AHCYL2: variants seen among roughly 807,000 people sequenced by gnomAD.
The protein encoded by AHCYL2 is adenosylhomocysteinase like 2.
A neutral mutation model predicts 81.4 loss-of-function variants in AHCYL2; 28 were observed. The observed-to-expected ratio is 0.34, with a 90% confidence interval of 0.25 to 0.47. AHCYL2 has a LOEUF of 0.47. AHCYL2 is among the 20% of genes least tolerant of loss of function. The pLI is 1.00. For synonymous variants in AHCYL2, 272 were observed against 290.2 expected (o/e 0.94, Z 0.64); for missense variants, 551 against 785.1 (o/e 0.70, Z 3.56).
intron 1 of AHCYL2, among the ~76,000 whole-genome samples, chr7:129,320,004 T>G (rs1797959329): frequency 6.6e-6 from 1 of 152,190 alleles, no homozygotes; most frequent in Non-Finnish European, 1.5e-5. Context: ...GTTTTTAAAT[T>G]GGTTGTATTG....
At chr7:129,299,376 T>C (rs1188169126) in intron 1 of AHCYL2, among the ~76,000 whole-genome samples, 8 of 23,006 alleles carry the variant, frequency 3.5e-4, no homozygotes, top group Non-Finnish European at 5.8e-4. Flanking sequence ...CTTGTTTTTT[T>C]TTTTTTTTTT....
intron 4 of AHCYL2, among the ~76,000 whole-genome samples, chr7:129,396,741 A>G (rs1795760821): frequency 6.6e-6 from 1 of 151,574 alleles, no homozygotes; most frequent in Non-Finnish European, 1.5e-5. Context: ...TTTTTTGGAG[A>G]CAGGGTCTCA....
At chr7:129,241,503 A>T (rs564374174) in intron 1 of AHCYL2, among the ~76,000 whole-genome samples, 116 of 152,240 alleles carry the variant, frequency 7.6e-4, no homozygotes, top group Non-Finnish European at 1.5e-3. Flanking sequence ...AGGCAGGAGA[A>T]TCACTTTAAC....
chr7:129,227,214 C>A (rs1794256896), intron 1 of AHCYL2, among the ~76,000 whole-genome samples: 1 of 152,088 alleles, frequency 6.6e-6, no homozygotes, highest in South Asian at 2.1e-4. Context: ...AAATGATATT[C>A]TTACTAATGC....
rs186515560 is a variant in AHCYL2, at chr7:129,292,844, A to C, written c.363+67405A>C. 7.3e-4 allele frequency among the ~76,000 whole-genome samples: 111 copies of C among 152,308 alleles called. No individual in the cohort carries two copies. The Middle Eastern group carries it at 0.014, about 19-fold the overall frequency. ...AACTTATTCATTAGAAAGGAACTTA[A>C]ATATTAGGAACAAGTTATTTGGGAC... On this transcript the variant is annotated intron_variant, in intron 1 of 16. Coordinates refer to ENST00000325006, the MANE Select transcript of AHCYL2 (RefSeq NM_015328.4).
chr7:129,360,277 C>T (rs762889698), intron 1 of AHCYL2, among the ~76,000 whole-genome samples: 6 of 152,088 alleles, frequency 3.9e-5, no homozygotes, highest in Admixed American at 2.6e-4. Context: ...CCACCACGCT[C>T]GGCTAATTTT....
At chr7:129,291,585 T>G (rs987265855) in intron 1 of AHCYL2, among the ~76,000 whole-genome samples, 1 of 151,522 alleles carries the variant, frequency 6.6e-6, no homozygotes, top group African/African-American at 2.4e-5. Context: ...ATAATAAAAT[T>G]TATTGCCACA....
intron 1 of AHCYL2, among the ~76,000 whole-genome samples, chr7:129,333,342 G>A (rs904545036): frequency 6.8e-6 from 1 of 146,882 alleles, no homozygotes; most frequent in Non-Finnish European, 1.5e-5. Context: ...TTTTTTTTAA[G>A]TTCCAAGGTG....
chr7:129,285,913 T>C (rs1796615366), intron 1 of AHCYL2, among the ~76,000 whole-genome samples: 1 of 151,904 alleles, frequency 6.6e-6, no homozygotes, highest in African/African-American at 2.4e-5. Flanking sequence ...GGTCTCTCTT[T>C]GTTGCCCAAG....
At chr7:129,289,724 A>G (rs1796768120) in intron 1 of AHCYL2, among the ~76,000 whole-genome samples, 1 of 151,484 alleles carries the variant, frequency 6.6e-6, no homozygotes, top group Non-Finnish European at 1.5e-5. Flanking sequence ...ATTTTTGAAT[A>G]TGTTTCAATT....
intron 1 of AHCYL2, among the ~76,000 whole-genome samples, chr7:129,238,413 C>A (rs141490478): frequency 1.3e-5 from 2 of 152,210 alleles, no homozygotes; most frequent in African/African-American, 4.8e-5. Flanking sequence ...TAATAATCTC[C>A]CTAATACATT....
chr7:129,244,706 C>T (rs1794986568), intron 1 of AHCYL2, among the ~76,000 whole-genome samples: 1 of 152,186 alleles, frequency 6.6e-6, no homozygotes, highest in Admixed American at 6.5e-5. Flanking sequence ...TACCATCACA[C>T]TGGGGGTTAG....
intron 4 of AHCYL2, among the ~76,000 whole-genome samples, chr7:129,394,171 G>A (rs944879205): frequency 6.6e-6 from 1 of 151,672 alleles, no homozygotes; most frequent in Non-Finnish European, 1.5e-5. Context: ...ACTATGCCTG[G>A]CTAATTTTTT....
intron 1 of AHCYL2, among the ~76,000 whole-genome samples, chr7:129,252,159 C>T (rs1350623690): frequency 6.6e-6 from 1 of 152,136 alleles, no homozygotes; most frequent in African/African-American, 2.4e-5. Flanking sequence ...TGAACATAAC[C>T]CCTGATGCCA....
intron 1 of AHCYL2, among the ~76,000 whole-genome samples, chr7:129,240,990 G>GTA (rs1161995164): frequency 6.6e-6 from 1 of 152,020 alleles, no homozygotes; most frequent in Non-Finnish European, 1.5e-5. Context: ...TAAATTAAAT[G>GTA]ATTTTTAAGC....
chr7:129,341,956 C>T (rs528305231), intron 1 of AHCYL2, among the ~76,000 whole-genome samples: 8 of 152,164 alleles, frequency 5.3e-5, no homozygotes, highest in Admixed American at 5.2e-4. Flanking sequence ...GTGGTACAGG[C>T]AGTAATTACA....
chr7:129,332,715 G>T (rs1584793159), intron 1 of AHCYL2, among the ~76,000 whole-genome samples: 1 of 152,128 alleles, frequency 6.6e-6, no homozygotes, highest in African/African-American at 2.4e-5. Flanking sequence ...TAAACAAATA[G>T]CTCTCTTTTT....
chr7:129,399,627 A>C (rs988214820), intron 5 of AHCYL2, among the ~76,000 whole-genome samples: 8 of 152,100 alleles, frequency 5.3e-5, no homozygotes, highest in African/African-American at 1.7e-4. Context: ...AAAGTATAGA[A>C]GCAAGAAAAA....
chr7:129,333,308 C>CAA (rs1181621904), intron 1 of AHCYL2, among the ~76,000 whole-genome samples: 224 of 67,278 alleles, frequency 3.3e-3, no homozygotes, highest in African/African-American at 9.3e-3. Flanking sequence ...CATCTCTACC[C>CAA]AAAAAAAAAA....
Sources: allele counts gnomAD v4.1 joint callset (sites outside exome capture counted in the v4.1 genomes callset), GRCh38; gene constraint gnomAD v4.1.1; transcripts MANE v1.5; gene names NCBI Gene and HGNC (gene_info 2026-07-23, HGNC 2026-07-21).